Variants in EMCN observed in about 807,000 individuals in gnomAD.
The protein encoded by EMCN is endomucin.
EMCN carries 37 observed loss-of-function variants against 38.4 expected under a neutral mutation model. The ratio of observed to expected loss-of-function variants is 0.96; its 90% confidence interval spans 0.74 to 1.27. The LOEUF (loss-of-function observed/expected upper bound fraction) is 1.27. Ranked by LOEUF, EMCN falls within the 50% of genes most tolerant of loss-of-function variation. EMCN has a pLI of 0.00. For synonymous variants in EMCN, 95 were observed against 100.8 expected, an observed-to-expected ratio of 0.94 and a Z score of 0.35; for missense variants, 318 against 302.8, an observed-to-expected ratio of 1.05 and a Z score of -0.37.
intron 1 of EMCN, among the ~76,000 whole-genome samples, chr4:100,503,610 G>A (rs1286834967): frequency 6.6e-6 from 1 of 151,584 alleles, no homozygotes; most frequent in Non-Finnish European, 1.5e-5. Flanking sequence ...ACAGGGTTTT[G>A]CTCTGTCACC....
intron 10 of EMCN, among the ~76,000 whole-genome samples, chr4:100,412,541 A>T (rs1379900314): frequency 1.3e-5 from 2 of 152,172 alleles, no homozygotes; most frequent in African/African-American, 4.8e-5. Context: ...ACTGTCTGAG[A>T]TGATATAAAT....
At chr4:100,411,635 A>G (rs1726555966) in intron 10 of EMCN, among the ~76,000 whole-genome samples, 1 of 152,190 alleles carries the variant, frequency 6.6e-6, no homozygotes, top group South Asian at 2.1e-4. Context: ...TAGTGGTTGT[A>G]TGAAGATTGT....
intron 1 of EMCN, 82 bp from the exon 2 acceptor site, chr4:100,480,121 G>T: frequency 1.6e-6 from 2 of 1,233,026 alleles, no homozygotes; most frequent in Non-Finnish European, 2.2e-6. Context: ...AAGTGTACTG[G>T]TCAGTAGAAT....
At chr4:100,407,158 G>A (rs1327903081) in intron 11 of EMCN, among the ~76,000 whole-genome samples, 5 of 152,120 alleles carry the variant, frequency 3.3e-5, no homozygotes, top group Non-Finnish European at 7.4e-5. Flanking sequence ...ATACACTTGG[G>A]TCTTTCTTCT....
intron 5 of EMCN, among the ~76,000 whole-genome samples, chr4:100,433,676 C>T (rs921701319): frequency 2.2e-4 from 34 of 151,956 alleles, no homozygotes; most frequent in African/African-American, 7.5e-4. Context: ...GCTAGGATTA[C>T]AGTCAAGTGC....
At chr4:100,491,349 C>A (rs1729071158) in intron 1 of EMCN, among the ~76,000 whole-genome samples, 1 of 152,180 alleles carries the variant, frequency 6.6e-6, no homozygotes, top group Non-Finnish European at 1.5e-5. Flanking sequence ...GGGAATTTAA[C>A]AGCTCTCTGC....
At position 100,422,900 on chromosome 4, in the gene EMCN, G is replaced by A. The variant is rs976794486; in HGVS notation, c.568+121C>T. On this transcript the variant is annotated intron_variant, in intron 7 of 11. Transcript: ENST00000296420. ...GCAGCAGTTAGATGGGATTGTAATG[G>A]GATTGCAGGCTCAGTAAAGTTGAGA... 10 of 884,856 alleles carry A rather than the reference G, an allele frequency of 1.1e-5. No homozygotes were observed. The South Asian group carries it at 1.3e-4, about 12-fold the overall frequency. The allele number at this position is 884,856 out of a possible 1,614,324, so 54.8% of individuals were successfully genotyped here.
chr4:100,498,474 A>G (rs980396707), intron 1 of EMCN, among the ~76,000 whole-genome samples: 9 of 152,168 alleles, frequency 5.9e-5, no homozygotes, highest in African/African-American at 2.2e-4. Flanking sequence ...GATACTTTCC[A>G]TAATTACAGT....
At chr4:100,416,944 A>T (rs1005631665) in intron 9 of EMCN, among the ~76,000 whole-genome samples, 173 bp downstream of exon 9, 3 of 152,194 alleles carry the variant, frequency 2.0e-5, no homozygotes, top group Non-Finnish European at 4.4e-5. Context: ...ATTAAACATG[A>T]TCTTACATTT....
intron 11 of EMCN, among the ~76,000 whole-genome samples, chr4:100,406,403 G>A (rs920362320): frequency 1.3e-5 from 2 of 152,028 alleles, no homozygotes; most frequent in African/African-American, 4.8e-5. Flanking sequence ...CACTGTTGAA[G>A]CTGTATCTCA....
Position 100,396,473 on chromosome 4 carries a change from T to C in EMCN, c.*1940A>G, listed in dbSNP as rs916179698. The C allele has an allele frequency of 3.9e-5, 6 of 151,946 alleles. No homozygotes were observed. Among genetic ancestry groups the C allele is most frequent in the African/African-American group, 1.4e-4 (6 of 41,410 alleles). The allele number at this position is 151,946 out of a possible 1,614,324, so 9.4% of individuals were successfully genotyped here. On this transcript the variant is annotated 3_prime_UTR_variant, in exon 12 of 12. Transcript: ENST00000296420. ...TCTTTGGAATATGCTGTATGTAACATGGTTTTTGCTGAAGAGCTCGGTAAA... is the reference window on the plus strand; with the variant it reads ...TCTTTGGAATATGCTGTATGTAACACGGTTTTTGCTGAAGAGCTCGGTAAA...
At chr4:100,443,410 T>A (rs867076514) in intron 5 of EMCN, among the ~76,000 whole-genome samples, 1 of 152,204 alleles carries the variant, frequency 6.6e-6, no homozygotes, top group East Asian at 1.9e-4. Context: ...AGTGGGGTAA[T>A]CAATGTGCAG....
intron 4 of EMCN, among the ~76,000 whole-genome samples, chr4:100,456,813 G>C (rs921377050): frequency 2.0e-5 from 3 of 152,044 alleles, no homozygotes; most frequent in African/African-American, 4.8e-5. Context: ...TTCTGTAGTT[G>C]AGGTGCAGTG....
chr4:100,507,350 A>T (rs1416447337), intron 1 of EMCN, among the ~76,000 whole-genome samples: 2 of 152,202 alleles, frequency 1.3e-5, no homozygotes, highest in African/African-American at 2.4e-5. Context: ...GGCCAAATTT[A>T]TCTTAAACTA....
intron 11 of EMCN, among the ~76,000 whole-genome samples, chr4:100,409,017 T>A (rs1053620754): frequency 1.3e-5 from 2 of 152,232 alleles, no homozygotes; most frequent in African/African-American, 4.8e-5. Context: ...TGGATGGCAC[T>A]CCTCTGTCTC....
chr4:100,395,972 C>G lies in EMCN; in HGVS notation c.*2441G>C, dbSNP rs1457408154. 1 of 152,136 alleles carries G rather than the reference C, an allele frequency of 6.6e-6. No individual in the cohort carries two copies. The highest frequency in any genetic ancestry group is 1.5e-5 in the Non-Finnish European group (1 of 68,008). 9.4% of individuals were successfully genotyped at this position (152,136 alleles called of 1,614,324 possible). On this transcript the variant is annotated 3_prime_UTR_variant, in exon 12 of 12. Coordinates refer to ENST00000296420, the MANE Select transcript of EMCN (RefSeq NM_016242.4). Reference sequence around the variant, plus strand: ...GAAAGTCTTGCCTTTGATCTAAATACAGGCACTTCTTTGTTGCAATGATGT... The same window carrying G: ...GAAAGTCTTGCCTTTGATCTAAATAGAGGCACTTCTTTGTTGCAATGATGT...
At chr4:100,416,203 G>C (rs1390005985) in intron 9 of EMCN, among the ~76,000 whole-genome samples, 1 of 150,996 alleles carries the variant, frequency 6.6e-6, no homozygotes, top group East Asian at 1.9e-4. Context: ...ACTTTTTCTG[G>C]AATCAAGCCA....
chr4:100,447,028 A>G (rs1461708549), intron 5 of EMCN, among the ~76,000 whole-genome samples: 1 of 152,192 alleles, frequency 6.6e-6, no homozygotes, highest in Non-Finnish European at 1.5e-5. Flanking sequence ...TCCCCTGCCC[A>G]ACGATCTTCA....
chr4:100,483,221 A>T lies in EMCN; in HGVS notation c.65-3182T>A, dbSNP rs140195566. Among the ~76,000 whole-genome samples, 25 of 152,246 alleles carry T rather than the reference A, an allele frequency of 1.6e-4. No individual in the cohort carries two copies. In the East Asian group the frequency reaches 4.1e-3, roughly 25 times the overall value. On this transcript the variant is annotated intron_variant, in intron 1 of 11. Transcript: ENST00000296420. Reference sequence around the variant, plus strand: ...TATTCTTATGATCATCATTTTATGGATAAGCACACTGAGGCTCAAAAAGGG... The same window carrying T: ...TATTCTTATGATCATCATTTTATGGTTAAGCACACTGAGGCTCAAAAAGGG...
Sources: allele counts gnomAD v4.1 joint callset (sites outside exome capture counted in the v4.1 genomes callset), GRCh38; gene constraint gnomAD v4.1.1; transcripts MANE v1.5; gene names NCBI Gene and HGNC (gene_info 2026-07-23, HGNC 2026-07-21).